Variants in A2M observed in about 807,000 individuals in gnomAD.
A2M encodes alpha-2-macroglobulin.
In A2M, 128 loss-of-function variants were observed where a neutral mutation model predicts 183.9. That is an observed-to-expected ratio of 0.70 (90% CI 0.60 to 0.81). The LOEUF (loss-of-function observed/expected upper bound fraction) is 0.81, where lower values mean the gene tolerates loss of function less well. Among genes scored for constraint, A2M ranks in the 30% least tolerant of loss-of-function variants. The pLI, the probability that A2M is intolerant of heterozygous loss-of-function variation, is 0.00. For synonymous variants in A2M, 592 were observed against 670.8 expected, an observed-to-expected ratio of 0.88 and a Z score of 1.81; for missense variants, 1,495 against 1,787.6, an observed-to-expected ratio of 0.84 and a Z score of 2.95.
At chr12:9,094,097 A>T (rs1165167546) in intron 17 of A2M, among the ~76,000 whole-genome samples, 12 of 151,978 alleles carry the variant, frequency 7.9e-5, no homozygotes, top group Admixed American at 7.9e-4. Flanking sequence ...GGCCGTGAAG[A>T]GGGGCAGGAA....
At chr12:9,093,654 C>CAAAA in intron 17 of A2M, 75 bp from the exon 18 acceptor site, 2 of 531,678 alleles carry the variant, frequency 3.8e-6, no homozygotes, top group Non-Finnish European at 5.5e-6. Flanking sequence ...TAGTTGCCAC[C>CAAAA]AAAAAAAAAA....
intron 22 of A2M, among the ~76,000 whole-genome samples, chr12:9,082,740 T>G (rs1948943351): frequency 6.6e-6 from 1 of 152,174 alleles, no homozygotes; most frequent in South Asian, 2.1e-4. Flanking sequence ...TGACAAAGAA[T>G]TCAGAATAAT....
Position 9,079,198 on chromosome 12 carries a change from A to C in A2M, c.3119+46T>G, listed in dbSNP as rs141863757. 3 of 1,468,344 alleles carry C rather than the reference A, an allele frequency of 2.0e-6. No homozygotes were observed. The African/African-American group carries it at 4.2e-5, about 20-fold the overall frequency. The allele number at this position is 1,468,344 out of a possible 1,614,324, so 91.0% of individuals were successfully genotyped here. A position where few individuals can be genotyped will look rare whatever the true frequency, so the allele number is the denominator to read the frequency against. ...ATATAATTGAGGTAATACATGTAAA[A>C]GAGCTGGCACACAAAAAGAAGCTCA... On this transcript the variant is annotated intron_variant, in intron 25 of 35. Coordinates refer to ENST00000318602, the MANE Select transcript of A2M (RefSeq NM_000014.6).
intron 32 of A2M, among the ~76,000 whole-genome samples, chr12:9,070,163 T>C (rs755632951): frequency 6.6e-6 from 1 of 152,250 alleles, no homozygotes; most frequent in Non-Finnish European, 1.5e-5. Context: ...GTAATACTTA[T>C]AGTTTATGCC....
intron 15 of A2M, 33 bp downstream of exon 15, chr12:9,098,574 C>A (rs1218153064): frequency 1.9e-6 from 3 of 1,572,086 alleles, no homozygotes; most frequent in African/African-American, 2.7e-5. Flanking sequence ...CTGGCACGGC[C>A]CTTCTTGATT....
Position 9,077,809 on chromosome 12 carries a change from G to A in A2M, c.3168C>T (p.Ile1056=). 1 of 1,614,198 alleles carries A rather than the reference G, an allele frequency of 6.2e-7. No homozygotes were observed. Among genetic ancestry groups the A allele is most frequent in the African/African-American group, 1.3e-5 (1 of 75,050 alleles). ...LKTFAQARAY[I]FIDEAHITQA... is the part of the protein sequence containing the mutation. Reference sequence around the variant, plus strand: ...GGGTAATGTGTGCTTCATCGATGAAGATGTAGGCTCGAGCTTGGGCAAAAG... The same window carrying A: ...GGGTAATGTGTGCTTCATCGATGAAAATGTAGGCTCGAGCTTGGGCAAAAG... The change falls in exon 26 of 36, where the codon ATC becomes ATT. Residue 1056 remains isoleucine, a synonymous_variant. Transcript: ENST00000318602.
chr12:9,109,420 TAAA>T lies in A2M; in HGVS notation c.674-18_674-16del. On this transcript the variant is annotated splice_polypyrimidine_tract_variant and intron_variant, in intron 6 of 35. Transcript: ENST00000318602. ...CTTGGGAAGAACTGTTGATTGGTGA[TAAA>T]GAAGGTTGGTGATTGGTTTTCAACT... The T allele has an allele frequency of 6.2e-7, 1 of 1,600,964 alleles. No individual in the cohort carries two copies. The highest frequency in any genetic ancestry group is 8.6e-7 in the Non-Finnish European group (1 of 1,169,216).
rs1937720249 is a variant in A2M at position 9,100,219 on chromosome 12, T to C, written c.1559-696A>G. The stretch of plus-strand genomic sequence containing the variant: ...TAACTATCTTGAAAGGGAAAAAAGA[T>C]ATTTATAATAATATAAATGACATAA... On this transcript the variant is annotated intron_variant, in intron 13 of 35. Transcript: ENST00000318602. Among the ~76,000 whole-genome samples the C allele has an allele frequency of 2.0e-5, 3 of 152,194 alleles. No individual in the cohort carries two copies. The South Asian group carries it at 6.2e-4, about 31-fold the overall frequency.
intron 12 of A2M, 67 bp downstream of exon 12, chr12:9,101,380 C>A (rs1937831887): frequency 2.1e-6 from 3 of 1,408,580 alleles, no homozygotes; most frequent in Non-Finnish European, 3.0e-6. Context: ...TAAAGAGCTT[C>A]ATGATTACTT....
At chr12:9,075,646 CTT>C (rs537952234) in intron 28 of A2M, among the ~76,000 whole-genome samples, 1 of 152,108 alleles carries the variant, frequency 6.6e-6, no homozygotes, top group Non-Finnish European at 1.5e-5. Flanking sequence ...AAATGTTTCT[CTT>C]GTTTCTTGAA....
intron 22 of A2M, among the ~76,000 whole-genome samples, chr12:9,088,226 G>A (rs961803857): frequency 2.7e-5 from 4 of 150,504 alleles, no homozygotes; most frequent in African/African-American, 9.8e-5. Context: ...TGTTCAGGGG[G>A]GTGACATTAA....
At chr12:9,072,229 A>T in intron 31 of A2M, 130 bp downstream of exon 31, 1 of 1,072,554 alleles carries the variant, frequency 9.3e-7, no homozygotes, top group Non-Finnish European at 1.3e-6. Context: ...ATATCAACTT[A>T]AGAGAATACA....
chr12:9,071,116 G>A (rs775875688), intron 31 of A2M, among the ~76,000 whole-genome samples: 3 of 152,218 alleles, frequency 2.0e-5, no homozygotes, highest in South Asian at 2.1e-4. Context: ...CACCACGCCC[G>A]GCTGAGGATC....
Position 9,068,950 on chromosome 12 carries a change from G to A in A2M, c.4264-108C>T, listed in dbSNP as rs1948479272. On this transcript the variant is annotated intron_variant, in intron 33 of 35. Coordinates refer to ENST00000318602, the MANE Select transcript of A2M (RefSeq NM_000014.6). ...GGGGGAAAAGCTTTATTATCCTACAGCACACTATAGGGTCCTTAATTAAAT... is the reference window on the plus strand; with the variant it reads ...GGGGGAAAAGCTTTATTATCCTACAACACACTATAGGGTCCTTAATTAAAT... 7 of 690,174 alleles carry A rather than the reference G, an allele frequency of 1.0e-5. No individual in the cohort carries two copies. In the South Asian group the frequency reaches 1.4e-4, roughly 14 times the overall value. The allele number at this position is 690,174 out of a possible 1,614,324, so 42.8% of individuals were successfully genotyped here.
Position 9,115,820 on chromosome 12 carries a change from A to G in A2M, c.30T>C (p.Ser10=), listed in dbSNP as rs760178587. The change falls in exon 1 of 36, where the codon AGT becomes AGC. Residue 10 remains serine (S), a synonymous_variant. Transcript: ENST00000318602. MGKNKLLHP[S]LVLLLLVLLP... ...GGAGGACCAAGAGGAGAAGAACCAG[A>G]CTTGGATGAAGGAGTTTGTTCTTCC... 6.2e-7 allele frequency: 1 copy of G among 1,613,484 alleles called. No individual in the cohort carries two copies. Among genetic ancestry groups the G allele is most frequent in the South Asian group, 1.1e-5 (1 of 91,080 alleles).
chr12:9,095,140 TA>T (rs1417486044), intron 16 of A2M, 56 bp from the exon 17 acceptor site: 2 of 887,976 alleles, frequency 2.3e-6, no homozygotes, highest in Non-Finnish European at 3.3e-6. Flanking sequence ...TATACATAGG[TA>T]GCTACTTCTT....
intron 6 of A2M, 76 bp downstream of exon 6, chr12:9,109,791 A>G: frequency 7.1e-7 from 1 of 1,416,570 alleles, no homozygotes; most frequent in Non-Finnish European, 9.5e-7. Flanking sequence ...AAAGACTCCA[A>G]ATGAACTTAA....
At chr12:9,107,367 T>C (rs548276356) in intron 8 of A2M, among the ~76,000 whole-genome samples, 157 bp downstream of exon 8, 12 of 152,206 alleles carry the variant, frequency 7.9e-5, no homozygotes, top group Non-Finnish European at 1.8e-4. Flanking sequence ...ATAATTCCCA[T>C]TGTGCTAAGT....
chr12:9,079,466 T>C (rs1052577324), intron 24 of A2M, 135 bp from the exon 25 acceptor site: 1 of 1,131,542 alleles, frequency 8.8e-7, no homozygotes, highest in Non-Finnish European at 1.3e-6. Context: ...TTTCTGAGCC[T>C]TAAATATTTT....
Sources: allele counts gnomAD v4.1 joint callset (sites outside exome capture counted in the v4.1 genomes callset), GRCh38; gene constraint gnomAD v4.1.1; transcripts MANE v1.5; gene names NCBI Gene and HGNC (gene_info 2026-07-23, HGNC 2026-07-21).